FARS2: variants seen among roughly 807,000 people sequenced by gnomAD.
FARS2 encodes the protein phenylalanyl-tRNA synthetase 2, mitochondrial.
In FARS2, 40 loss-of-function variants were observed where a neutral mutation model predicts 46.4. That is an observed-to-expected ratio of 0.86 (90% CI 0.67 to 1.12). The LOEUF (loss-of-function observed/expected upper bound fraction) is 1.12, where lower values mean the gene tolerates loss of function less well. Ranked by LOEUF, FARS2 falls within the 50% of genes most tolerant of loss-of-function variation. The pLI is 0.00. For synonymous variants in FARS2, 234 were observed against 214.9 expected (o/e 1.09, Z -0.78); for missense variants, 513 against 567.9 (o/e 0.90, Z 0.98).
At chr6:5,484,349 AT>A (rs1208089397) in intron 4 of FARS2, among the ~76,000 whole-genome samples, 1 of 152,182 alleles carries the variant, frequency 6.6e-6, no homozygotes, top group African/African-American at 2.4e-5. Flanking sequence ...TTTGCGTCTA[AT>A]CAGAATCGTG....
chr6:5,626,598 C>T (rs11968904), intron 6 of FARS2, among the ~76,000 whole-genome samples: 14,074 of 152,166 alleles, frequency 0.092, 1,834 homozygotes, highest in African/African-American at 0.29. Flanking sequence ...CCACATCCTC[C>T]TTAGGCTTTC....
At chr6:5,498,768 A>T (rs1221633491) in intron 4 of FARS2, among the ~76,000 whole-genome samples, 3 of 152,264 alleles carry the variant, frequency 2.0e-5, no homozygotes, top group Non-Finnish European at 1.5e-5. Flanking sequence ...GGATAGGAGC[A>T]TGAAGAGAAG....
intron 6 of FARS2, among the ~76,000 whole-genome samples, chr6:5,750,652 C>G (rs373765089): frequency 1.6e-3 from 236 of 152,028 alleles, no homozygotes; most frequent in African/African-American, 5.2e-3. Flanking sequence ...GAATGCAGCT[C>G]GCCATGGTAG....
chr6:5,526,729 A>T (rs1436013799), intron 4 of FARS2, among the ~76,000 whole-genome samples: 1 of 151,826 alleles, frequency 6.6e-6, no homozygotes. Context: ...CAATTATCTC[A>T]CCTCAGTCTC....
At chr6:5,640,570 T>C (rs1252339482) in intron 6 of FARS2, among the ~76,000 whole-genome samples, 2 of 152,300 alleles carry the variant, frequency 1.3e-5, no homozygotes, top group South Asian at 4.1e-4. Context: ...CTCTAAATTA[T>C]CAGGCCCAGA....
At chr6:5,600,212 T>A (rs1353749508) in intron 5 of FARS2, among the ~76,000 whole-genome samples, 1 of 152,256 alleles carries the variant, frequency 6.6e-6, no homozygotes, top group Non-Finnish European at 1.5e-5. Flanking sequence ...CCAGAATGAT[T>A]GTTCCATATG....
At position 5,689,793 on chromosome 6, in the gene FARS2, G is replaced by A. The variant is rs537881111; in HGVS notation, c.1217+76473G>A. Among the ~76,000 whole-genome samples, 32 of 152,146 alleles carry A rather than the reference G, an allele frequency of 2.1e-4. 1 individual carries two copies. The East Asian group carries it at 4.6e-3, about 22-fold the overall frequency. On this transcript the variant is annotated intron_variant, in intron 6 of 6. Coordinates refer to ENST00000274680, the MANE Select transcript of FARS2 (RefSeq NM_006567.5). ...CTCGTTGATCTGTCTAATGTTGACC[G>A]TGGGGTGTTAAAGTCTCCCATTATT...
chr6:5,271,491 A>C (rs1765939900), intron 1 of FARS2, among the ~76,000 whole-genome samples: 1 of 151,478 alleles, frequency 6.6e-6, no homozygotes, highest in Non-Finnish European at 1.5e-5. Context: ...ATCTTGCCAG[A>C]GTTATATTTT....
At chr6:5,331,813 C>G (rs1056534691) in intron 1 of FARS2, among the ~76,000 whole-genome samples, 3 of 152,162 alleles carry the variant, frequency 2.0e-5, no homozygotes, top group African/African-American at 7.2e-5. Context: ...AGTCGCTGGT[C>G]TTGGAGAGAG....
chr6:5,359,478 A>G lies in FARS2; in HGVS notation c.-21-9072A>G, dbSNP rs117954220. Among the ~76,000 whole-genome samples the G allele has an allele frequency of 3.1e-4, 47 of 152,324 alleles. 2 individuals carry two copies. In the East Asian group the frequency reaches 9.1e-3, roughly 29 times the overall value. Reference sequence around the variant, plus strand: ...ATTGTCTGCACAAAAGGTAGCTATTACAAAAGAAGACTGAAGTGTCAAAGG... The same window carrying G: ...ATTGTCTGCACAAAAGGTAGCTATTGCAAAAGAAGACTGAAGTGTCAAAGG... On this transcript the variant is annotated intron_variant, in intron 1 of 6. Transcript: ENST00000274680.
intron 6 of FARS2, among the ~76,000 whole-genome samples, chr6:5,730,672 A>C (rs767448308): frequency 9.9e-5 from 15 of 152,218 alleles, no homozygotes; most frequent in Non-Finnish European, 1.9e-4. Flanking sequence ...AATATTCATC[A>C]CAAAGGACAG....
intron 1 of FARS2, among the ~76,000 whole-genome samples, chr6:5,352,657 T>A (rs1757647341): frequency 6.6e-6 from 1 of 151,958 alleles, no homozygotes; most frequent in African/African-American, 2.4e-5. Flanking sequence ...CAGTTTCCGC[T>A]AACTATAAAT....
chr6:5,638,185 C>CT (rs1270409846), intron 6 of FARS2, among the ~76,000 whole-genome samples: 1 of 152,230 alleles, frequency 6.6e-6, no homozygotes, highest in African/African-American at 2.4e-5. Context: ...CAATGATATG[C>CT]TTGGCTCTGC....
At chr6:5,462,612 T>G (rs1231530140) in intron 4 of FARS2, among the ~76,000 whole-genome samples, 3 of 152,224 alleles carry the variant, frequency 2.0e-5, no homozygotes, top group Non-Finnish European at 4.4e-5. Flanking sequence ...GTATATCCAT[T>G]TGTTTAGAAC....
intron 2 of FARS2, among the ~76,000 whole-genome samples, chr6:5,369,915 G>A (rs1301805879): frequency 6.7e-6 from 1 of 149,790 alleles, no homozygotes; most frequent in Non-Finnish European, 1.5e-5. Context: ...ATCCCTAAAA[G>A]CTTGATTCCA....
chr6:5,595,173 C>A (rs1184411521), intron 5 of FARS2, among the ~76,000 whole-genome samples: 3 of 152,192 alleles, frequency 2.0e-5, no homozygotes, highest in Non-Finnish European at 4.4e-5. Context: ...TGCACTTTTT[C>A]TTCTTGTTTC....
At chr6:5,549,185 T>C (rs1271245167) in intron 5 of FARS2, among the ~76,000 whole-genome samples, 1 of 151,998 alleles carries the variant, frequency 6.6e-6, no homozygotes, top group East Asian at 1.9e-4. Context: ...CTGGCTTTTT[T>C]TTTTTTTTAA....
chr6:5,534,544 G>A (rs1369419319), intron 4 of FARS2, among the ~76,000 whole-genome samples: 1 of 152,068 alleles, frequency 6.6e-6, no homozygotes, highest in Non-Finnish European at 1.5e-5. Flanking sequence ...CTTTCACTTA[G>A]CCTGTTGTTT....
At chr6:5,529,330 A>G (rs984046186) in intron 4 of FARS2, among the ~76,000 whole-genome samples, 2 of 151,950 alleles carry the variant, frequency 1.3e-5, no homozygotes, top group East Asian at 3.9e-4. Flanking sequence ...CTTTTTTGAG[A>G]CAGAGTCTCA....
Sources: gnomAD v4.1 joint callset for allele counts (sites outside exome capture counted in the v4.1 genomes callset) on GRCh38, gnomAD v4.1.1 for gene constraint, MANE v1.5 for transcripts, NCBI Gene and HGNC (gene_info 2026-07-23, HGNC 2026-07-21) for gene names.